The following TAS2R1 variants were observed in gnomAD, a reference collection of about 807,000 sequenced individuals.
TAS2R1 encodes the protein taste 2 receptor member 1.
For synonymous variants in TAS2R1, 141 were observed against 134.2 expected (o/e 1.05, Z -0.35); for missense variants, 370 against 353.4 (o/e 1.05, Z -0.38).
chr5:9,774,586 A>T, the TAS2R1 span, among the ~76,000 whole-genome samples: 1 of 152,206 alleles, frequency 6.6e-6, no homozygotes, highest in African/African-American at 2.4e-5. Flanking sequence ...CTTTCCAGAG[A>T]TTTGAAGGCA....
At chr5:9,828,279 C>T in the TAS2R1 span, among the ~76,000 whole-genome samples, 1 of 152,244 alleles carries the variant, frequency 6.6e-6, no homozygotes, top group East Asian at 1.9e-4. Flanking sequence ...GCATCCACCA[C>T]CATGTCTGGC....
At chr5:9,678,723 C>T (rs1740928220) in intron 1 of TAS2R1, among the ~76,000 whole-genome samples, 1 of 152,060 alleles carries the variant, frequency 6.6e-6, no homozygotes, top group East Asian at 1.9e-4. Context: ...CAAACGGGAG[C>T]TGACCGATGA....
intron 2 of TAS2R1, among the ~76,000 whole-genome samples, chr5:9,639,441 T>A (rs1740030029): frequency 6.6e-6 from 1 of 152,224 alleles, no homozygotes; most frequent in African/African-American, 2.4e-5. Context: ...TTTCCTCCTA[T>A]CATGCTTTGG....
intron 1 of TAS2R1, among the ~76,000 whole-genome samples, chr5:9,675,228 A>G (rs1173126176): frequency 2.6e-5 from 4 of 151,002 alleles, no homozygotes; most frequent in Non-Finnish European, 5.9e-5. Flanking sequence ...GGAAGAATCA[A>G]TGTTAATATG....
upstream of TAS2R1, chr5:9,712,320 G>T (rs1734701146): frequency 6.6e-6 from 1 of 152,146 alleles, no homozygotes; most frequent in African/African-American, 2.4e-5. Flanking sequence ...CCACTGTGAT[G>T]GTTCACATTA....
At chr5:9,731,408 G>A in the TAS2R1 span, among the ~76,000 whole-genome samples, 1 of 152,072 alleles carries the variant, frequency 6.6e-6, no homozygotes, top group African/African-American at 2.4e-5. Flanking sequence ...TGCCCTCGTG[G>A]TAGGGACTGA....
intron 1 of TAS2R1, among the ~76,000 whole-genome samples, chr5:9,692,445 C>T (rs1351599421): frequency 6.6e-6 from 1 of 152,128 alleles, no homozygotes; most frequent in African/African-American, 2.4e-5. Context: ...CCTATGAATC[C>T]CAGTGGTTGT....
intron 1 of TAS2R1, among the ~76,000 whole-genome samples, chr5:9,670,679 C>T (rs1039574265): frequency 6.6e-6 from 1 of 152,070 alleles, no homozygotes; most frequent in African/African-American, 2.4e-5. Flanking sequence ...AGCTTAGAAC[C>T]AGATGGATTC....
At chr5:9,886,374 G>A in the TAS2R1 span, among the ~76,000 whole-genome samples, 420 of 122,034 alleles carry the variant, frequency 3.4e-3, 5 homozygotes, top group African/African-American at 0.012. Context: ...TCACTCTGTC[G>A]CCCAGGCTGA....
chr5:9,680,698 C>T (rs1310664988), intron 1 of TAS2R1, among the ~76,000 whole-genome samples: 1 of 152,084 alleles, frequency 6.6e-6, no homozygotes, highest in African/African-American at 2.4e-5. Flanking sequence ...TCATCAGAGA[C>T]AACAAAAGGA....
the TAS2R1 span, among the ~76,000 whole-genome samples, chr5:9,889,290 G>A: frequency 6.6e-6 from 1 of 152,064 alleles, no homozygotes; most frequent in Non-Finnish European, 1.5e-5. Flanking sequence ...GATGATGGAG[G>A]GACAGGTACG....
chr5:9,837,449 G>A, the TAS2R1 span, among the ~76,000 whole-genome samples: 1 of 152,190 alleles, frequency 6.6e-6, no homozygotes, highest in African/African-American at 2.4e-5. Context: ...CTAATTGCTC[G>A]GAGCATGCCT....
chr5:9,719,771 AGCCGGGCGT>A, the TAS2R1 span, among the ~76,000 whole-genome samples: 15,295 of 151,746 alleles, frequency 0.1, 963 homozygotes, highest in Middle Eastern at 0.14. Context: ...AAAAAAAATT[AGCCGGGCGT>A]GGTGGCGGGC....
In TAS2R1 at chr5:9,646,641, A is replaced by G. The variant is rs1331469544; in HGVS notation, c.-81+12780T>C. 2.0e-5 allele frequency among the ~76,000 whole-genome samples: 3 copies of G among 152,166 alleles called. No homozygotes were observed. The East Asian group carries it at 5.8e-4, about 29-fold the overall frequency. On this transcript the variant is annotated intron_variant, in intron 2 of 2. Transcript: ENST00000506620. ...AGAACTGGGTATTTCAGATTTTCAT[A>G]TATAGAAGCTGCCCTGGGTCTTGCT...
the TAS2R1 span, among the ~76,000 whole-genome samples, chr5:9,869,684 T>C: frequency 6.6e-6 from 1 of 152,266 alleles, no homozygotes; most frequent in African/African-American, 2.4e-5. Flanking sequence ...GGTAATTAAG[T>C]GCATCCTGTG....
the TAS2R1 span, among the ~76,000 whole-genome samples, chr5:9,763,740 A>G: frequency 6.6e-6 from 1 of 152,218 alleles, no homozygotes; most frequent in African/African-American, 2.4e-5. Flanking sequence ...GCCGCAACCC[A>G]GCATCCAACC....
At chr5:9,856,857 C>T in the TAS2R1 span, among the ~76,000 whole-genome samples, 8 of 152,162 alleles carry the variant, frequency 5.3e-5, no homozygotes, top group South Asian at 2.1e-4. Flanking sequence ...GCACTATTCA[C>T]GATGGTCAAG....
the TAS2R1 span, among the ~76,000 whole-genome samples, chr5:9,871,019 A>C: frequency 2.0e-5 from 3 of 152,256 alleles, no homozygotes; most frequent in African/African-American, 7.2e-5. Context: ...GTTTTGTTAC[A>C]TAATGCAGGG....
chr5:9,819,984 TAA>T, the TAS2R1 span, among the ~76,000 whole-genome samples: 2 of 151,976 alleles, frequency 1.3e-5, no homozygotes, highest in Admixed American at 6.6e-5. Context: ...CCATGAAACA[TAA>T]AGAGACCCCC....
Sources: gnomAD v4.1 joint callset for allele counts (sites outside exome capture counted in the v4.1 genomes callset) on GRCh38, gnomAD v4.1.1 for gene constraint, MANE v1.5 for transcripts, NCBI Gene and HGNC (gene_info 2026-07-23, HGNC 2026-07-21) for gene names.